AUTS2: variants seen among roughly 807,000 people sequenced by gnomAD.
The protein encoded by AUTS2 is autism susceptibility gene 2 protein.
AUTS2 carries 17 observed loss-of-function variants against 112.4 expected under a neutral mutation model. The observed-to-expected ratio is 0.15, with a 90% confidence interval of 0.10 to 0.23. The LOEUF is 0.23. AUTS2 is among the 10% of genes least tolerant of loss of function. AUTS2 has a pLI of 1.00. For missense variants in AUTS2, 1,510 were observed against 1,701.6 expected, an observed-to-expected ratio of 0.89 and a Z score of 1.98; for synonymous variants, 751 against 702.7, an observed-to-expected ratio of 1.07 and a Z score of -1.09.
chr7:70,746,798 T>C (rs1788482700), intron 6 of AUTS2, among the ~76,000 whole-genome samples: 1 of 152,124 alleles, frequency 6.6e-6, no homozygotes, highest in African/African-American at 2.4e-5. Context: ...AAACCAGCTT[T>C]TGTGAACACG....
chr7:70,621,870 A>C (rs1804694262), intron 5 of AUTS2, among the ~76,000 whole-genome samples: 1 of 69,228 alleles, frequency 1.4e-5, no homozygotes. Flanking sequence ...TTTTTTGGAG[A>C]AATGGAGTCT....
At chr7:70,100,629 C>CCATGCGTTCTCA (rs1351714711) in intron 2 of AUTS2, among the ~76,000 whole-genome samples, 1 of 151,390 alleles carries the variant, frequency 6.6e-6, no homozygotes, top group Non-Finnish European at 1.5e-5. Flanking sequence ...CTCCCTGTGT[C>CCATGCGTTCTCA]CATGCGTTCT....
chr7:70,181,557 G>A (rs1310297817), intron 4 of AUTS2, among the ~76,000 whole-genome samples: 5 of 150,262 alleles, frequency 3.3e-5, no homozygotes, highest in South Asian at 2.1e-4. Context: ...GCGCCATCTC[G>A]GCTCACTGTA....
At chr7:69,883,160 G>A (rs1350340054) in intron 1 of AUTS2, among the ~76,000 whole-genome samples, 1 of 152,202 alleles carries the variant, frequency 6.6e-6, no homozygotes, top group Non-Finnish European at 1.5e-5. Context: ...AGGGATAGCA[G>A]TGAAGTGGTC....
intron 5 of AUTS2, among the ~76,000 whole-genome samples, chr7:70,476,345 C>G (rs890715591): frequency 6.6e-6 from 1 of 152,138 alleles, no homozygotes; most frequent in Non-Finnish European, 1.5e-5. Context: ...TCTCCTCTTG[C>G]TTCTCTCTCA....
At chr7:69,892,841 TA>T (rs1192467644) in intron 1 of AUTS2, among the ~76,000 whole-genome samples, 1 of 152,242 alleles carries the variant, frequency 6.6e-6, no homozygotes, top group Non-Finnish European at 1.5e-5. Flanking sequence ...ACCATTTGTT[TA>T]AAAAACTTAT....
At chr7:70,220,488 C>T (rs1811418465) in intron 4 of AUTS2, among the ~76,000 whole-genome samples, 1 of 152,130 alleles carries the variant, frequency 6.6e-6, no homozygotes, top group Non-Finnish European at 1.5e-5. Context: ...AGAAAGGAAC[C>T]ATAGATGGGA....
At chr7:70,036,690 G>C (rs1801018283) in intron 2 of AUTS2, among the ~76,000 whole-genome samples, 1 of 152,186 alleles carries the variant, frequency 6.6e-6, no homozygotes. Flanking sequence ...GGGCCTGTGG[G>C]TCTGTGGCTC....
chr7:70,162,830 AC>A (rs1808163928), intron 4 of AUTS2, among the ~76,000 whole-genome samples: 2 of 152,270 alleles, frequency 1.3e-5, no homozygotes. Context: ...CATTTGGTAA[AC>A]CTCTTTGAAA....
chr7:69,735,269 G>A lies in AUTS2; in HGVS notation c.309+135307G>A, dbSNP rs147002293. Among the ~76,000 whole-genome samples, 1,280 of 152,310 alleles carry A rather than the reference G, an allele frequency of 8.4e-3. 14 individuals are homozygous for A. Among genetic ancestry groups the A allele is most frequent in the Non-Finnish European group, 0.012 (806 of 68,028 alleles). On this transcript the variant is annotated intron_variant, in intron 1 of 18. Coordinates refer to ENST00000342771, the MANE Select transcript of AUTS2 (RefSeq NM_015570.4). ...CACCTGAGGAGGCACCATTGTGAGT[G>A]ATGAAACTGGGGTATCAGACCTGGT...
chr7:70,648,777 G>T (rs1358313303), intron 5 of AUTS2, among the ~76,000 whole-genome samples: 5 of 151,942 alleles, frequency 3.3e-5, no homozygotes, highest in Non-Finnish European at 1.5e-5. Context: ...GTAGAGACAG[G>T]GCTTCACCAT....
chr7:70,601,273 G>A (rs939382076), intron 5 of AUTS2, among the ~76,000 whole-genome samples: 1 of 152,212 alleles, frequency 6.6e-6, no homozygotes, highest in African/African-American at 2.4e-5. Flanking sequence ...AATGACTAAT[G>A]ATGTTGAACA....
intron 2 of AUTS2, among the ~76,000 whole-genome samples, chr7:69,957,586 T>G (rs567522885): frequency 6.6e-6 from 1 of 151,544 alleles, no homozygotes; most frequent in South Asian, 2.1e-4. Flanking sequence ...TATTGGGGAA[T>G]ATGTTAGAAT....
intron 1 of AUTS2, among the ~76,000 whole-genome samples, chr7:69,784,655 A>G (rs1271576733): frequency 6.6e-6 from 1 of 152,228 alleles, no homozygotes; most frequent in Non-Finnish European, 1.5e-5. Flanking sequence ...TTGTAAGTGT[A>G]GAGAAAGAAA....
At chr7:69,924,317 T>C (rs1229162303) in intron 2 of AUTS2, among the ~76,000 whole-genome samples, 1 of 152,064 alleles carries the variant, frequency 6.6e-6, no homozygotes, top group Non-Finnish European at 1.5e-5. Context: ...TCTAAATAGA[T>C]TGTTGGATTT....
At chr7:70,535,291 TG>T (rs1266663169) in intron 5 of AUTS2, among the ~76,000 whole-genome samples, 1 of 152,152 alleles carries the variant, frequency 6.6e-6, no homozygotes, top group African/African-American at 2.4e-5. Context: ...ATATTTTTAT[TG>T]TTGTCACTAA....
At chr7:70,271,366 A>G (rs1168445773) in intron 4 of AUTS2, among the ~76,000 whole-genome samples, 1 of 152,088 alleles carries the variant, frequency 6.6e-6, no homozygotes, top group Non-Finnish European at 1.5e-5. Flanking sequence ...ACTTGTAGAA[A>G]ATCAATAGAA....
intron 5 of AUTS2, among the ~76,000 whole-genome samples, chr7:70,572,205 C>T (rs1011772039): frequency 3.9e-5 from 6 of 151,926 alleles, no homozygotes; most frequent in Non-Finnish European, 5.9e-5. Context: ...CGGGCTTGGG[C>T]GGATGCCTGG....
chr7:70,186,700 C>T (rs1160455253), intron 4 of AUTS2, among the ~76,000 whole-genome samples: 2 of 152,150 alleles, frequency 1.3e-5, no homozygotes, highest in East Asian at 3.9e-4. Context: ...TTCTGAGTAG[C>T]TGGAATTACA....
Sources: gnomAD v4.1 joint callset for allele counts (sites outside exome capture counted in the v4.1 genomes callset) on GRCh38, gnomAD v4.1.1 for gene constraint, MANE v1.5 for transcripts, NCBI Gene and HGNC (gene_info 2026-07-23, HGNC 2026-07-21) for gene names.